Variants in CNTNAP4 observed in about 807,000 individuals in gnomAD.
The protein encoded by CNTNAP4 is contactin associated protein family member 4, also known as contactin-associated protein-like 4.
Under a neutral mutation model 148.4 loss-of-function variants are expected in CNTNAP4, and 98 were observed. The observed-to-expected ratio is 0.66, with a 90% CI of 0.56 to 0.78. The LOEUF (loss-of-function observed/expected upper bound fraction) is 0.78, where lower values mean the gene tolerates loss of function less well. Among genes scored for constraint, CNTNAP4 ranks in the 30% least tolerant of loss-of-function variants. The pLI, the probability that CNTNAP4 is intolerant of heterozygous loss-of-function variation, is 0.00. For synonymous variants in CNTNAP4, 730 were observed against 565.1 expected, an observed-to-expected ratio of 1.29 and a Z score of -4.14; for missense variants, 1,935 against 1,565.6, an observed-to-expected ratio of 1.24 and a Z score of -3.98.
intron 9 of CNTNAP4, among the ~76,000 whole-genome samples, chr16:76,466,578 T>C (rs923688883): frequency 1.3e-5 from 2 of 152,122 alleles, no homozygotes; most frequent in Non-Finnish European, 2.9e-5. Context: ...TATGTATTCA[T>C]ACTCGATAAA....
intron 4 of CNTNAP4, among the ~76,000 whole-genome samples, chr16:76,440,919 G>T (rs2080013638): frequency 6.6e-6 from 1 of 152,112 alleles, no homozygotes; most frequent in Admixed American, 6.6e-5. Flanking sequence ...GAAGGGCTAG[G>T]ATGCAGGGGT....
intron 3 of CNTNAP4, among the ~76,000 whole-genome samples, chr16:76,397,032 C>T (rs1003292058): frequency 6.6e-6 from 1 of 152,046 alleles, no homozygotes; most frequent in Non-Finnish European, 1.5e-5. Flanking sequence ...GAGAGGAATT[C>T]ATAAAGAGGT....
In CNTNAP4 at chr16:76,489,692, C is replaced by A; in HGVS notation, c.1889C>A (p.Ala630Glu). The change falls in exon 13 of 24, where the codon GCA becomes GAA. Residue 630 changes from alanine (A) to glutamate (E), a missense_variant. Transcript: ENST00000611870. ...CCCCATTTCTGCATACAAGAAACTG[C>A]ATGGACCATCATACAGCACAACGGC... ...FLLYCNMTET[A>E]WTIIQHNGSD... The A allele has an allele frequency of 6.4e-7, 1 of 1,571,094 alleles. No individual in the cohort carries two copies. Among genetic ancestry groups the A allele is most frequent in the East Asian group, 2.3e-5 (1 of 43,954 alleles).
intron 2 of CNTNAP4, among the ~76,000 whole-genome samples, chr16:76,319,156 G>C (rs1316052938): frequency 6.6e-6 from 1 of 152,108 alleles, no homozygotes; most frequent in Admixed American, 6.6e-5. Context: ...TTGAAAGTCT[G>C]AGGCAGGAGG....
At chr16:76,473,413 C>T (rs2081441736) in intron 10 of CNTNAP4, among the ~76,000 whole-genome samples, 1 of 151,860 alleles carries the variant, frequency 6.6e-6, no homozygotes, top group African/African-American at 2.4e-5. Context: ...TTTTTATAAT[C>T]AGGAAAAATA....
At position 76,315,049 on chromosome 16, in the gene CNTNAP4, C is replaced by T. The variant is rs1329002632; in HGVS notation, c.86-1364C>T. 3.3e-5 allele frequency among the ~76,000 whole-genome samples: 5 copies of T among 152,056 alleles called. No homozygotes were observed. In the East Asian group the frequency reaches 9.7e-4, roughly 29 times the overall value. ...GATTTTGTTTTCCTCAAAAATGTCG[C>T]TTCTAAGATTCAACTATTTTGTTTT... is the stretch of plus-strand genomic sequence containing the variant. On this transcript the variant is annotated intron_variant, in intron 1 of 23. Transcript: ENST00000611870.
chr16:76,498,546 G>A lies in CNTNAP4; in HGVS notation c.2238-21G>A, dbSNP rs555030729. ...ACTATTAAAAGTTCTTAAGAATTTTGTTGTTGCTATTGTTTTTTAGGACCA... is the reference window on the plus strand; with the variant it reads ...ACTATTAAAAGTTCTTAAGAATTTTATTGTTGCTATTGTTTTTTAGGACCA... On this transcript the variant is annotated intron_variant, in intron 14 of 23. Coordinates refer to ENST00000611870, the MANE Select transcript of CNTNAP4 (RefSeq NM_033401.5). 1.3e-5 allele frequency: 20 copies of A among 1,597,746 alleles called. No individual in the cohort carries two copies. In the East Asian group the frequency reaches 2.7e-4, roughly 21 times the overall value.
At chr16:76,280,781 A>G (rs1439583223) in intron 1 of CNTNAP4, among the ~76,000 whole-genome samples, 2 of 152,140 alleles carry the variant, frequency 1.3e-5, no homozygotes, top group Admixed American at 1.3e-4. Context: ...AGAGACATGC[A>G]TTAAGAACAG....
intron 2 of CNTNAP4, among the ~76,000 whole-genome samples, chr16:76,336,799 G>C (rs1964064840): frequency 6.6e-6 from 1 of 152,106 alleles, no homozygotes; most frequent in African/African-American, 2.4e-5. Context: ...TAAGTTGTTT[G>C]CTTTTTTGCT....
intron 1 of CNTNAP4, among the ~76,000 whole-genome samples, chr16:76,306,479 A>T (rs2143984570): frequency 6.6e-6 from 1 of 152,284 alleles, no homozygotes; most frequent in African/African-American, 2.4e-5. Context: ...ACACTCTGAA[A>T]CTGTGAATAT....
intron 4 of CNTNAP4, among the ~76,000 whole-genome samples, chr16:76,440,226 A>T (rs931797417): frequency 1.3e-5 from 2 of 151,940 alleles, no homozygotes; most frequent in African/African-American, 2.4e-5. Context: ...TTTTGGGGAG[A>T]TTCCTAAAGA....
chr16:76,323,517 A>G (rs1464420898), intron 2 of CNTNAP4, among the ~76,000 whole-genome samples: 2 of 152,148 alleles, frequency 1.3e-5, no homozygotes, highest in Middle Eastern at 3.2e-3. Flanking sequence ...AAATATGCTG[A>G]TATCTTCTAT....
intron 3 of CNTNAP4, among the ~76,000 whole-genome samples, chr16:76,409,512 G>A (rs999214786): frequency 1.3e-5 from 2 of 151,940 alleles, no homozygotes; most frequent in Non-Finnish European, 2.9e-5. Flanking sequence ...AGGAACTTCT[G>A]GTTGCTGCAT....
intron 21 of CNTNAP4, among the ~76,000 whole-genome samples, chr16:76,551,405 ATAT>A (rs892193541): frequency 1.1e-3 from 71 of 63,078 alleles, no homozygotes; most frequent in African/African-American, 4.0e-3. Context: ...TAAAAAAAAA[ATAT>A]ATATATATAT....
chr16:76,488,421 C>A (rs1199988240), intron 12 of CNTNAP4, among the ~76,000 whole-genome samples: 2 of 152,146 alleles, frequency 1.3e-5, no homozygotes, highest in African/African-American at 2.4e-5. Flanking sequence ...ATAATCCACA[C>A]ATGGAAGGCA....
intron 8 of CNTNAP4, among the ~76,000 whole-genome samples, chr16:76,460,753 CAA>C (rs1158805627): frequency 4.5e-4 from 7 of 15,520 alleles, no homozygotes; most frequent in East Asian, 2.1e-3. Context: ...ACTCATGTCT[CAA>C]AAAAAAAAAA....
chr16:76,337,403 C>A (rs563440859), intron 2 of CNTNAP4, among the ~76,000 whole-genome samples: 1 of 152,066 alleles, frequency 6.6e-6, no homozygotes. Context: ...CATCACATAT[C>A]GACAGGTTCT....
chr16:76,305,763 G>C (rs9944363), intron 1 of CNTNAP4, among the ~76,000 whole-genome samples: 2 of 151,960 alleles, frequency 1.3e-5, no homozygotes, highest in African/African-American at 4.8e-5. Flanking sequence ...CACCCAGGTA[G>C]TGAGACTAGC....
At chr16:76,469,413 G>C (rs1191280081) in intron 10 of CNTNAP4, 2 of 152,156 alleles carry the variant, frequency 1.3e-5, no homozygotes, top group African/African-American at 4.8e-5. Flanking sequence ...CCTGGGCCTG[G>C]CTTCTCAATA....
Sources: allele counts gnomAD v4.1 joint callset (sites outside exome capture counted in the v4.1 genomes callset), GRCh38; gene constraint gnomAD v4.1.1; transcripts MANE v1.5; gene names NCBI Gene and HGNC (gene_info 2026-07-23, HGNC 2026-07-21).